The following COL25A1 variants were observed in gnomAD, a reference collection of about 807,000 sequenced individuals.
COL25A1 encodes collagen alpha-1(XXV) chain.
A neutral mutation model predicts 128.4 loss-of-function variants in COL25A1; 103 were observed. The observed-to-expected ratio is 0.80, with a 90% CI of 0.68 to 0.94. The LOEUF is 0.94. Among genes scored for constraint, COL25A1 ranks in the 40% least tolerant of loss-of-function variants. The pLI is 0.00. For missense variants in COL25A1, 745 were observed against 840.0 expected, an observed-to-expected ratio of 0.89 and a Z score of 1.40; for synonymous variants, 279 against 277.2, an observed-to-expected ratio of 1.01 and a Z score of -0.06.
intron 8 of COL25A1, among the ~76,000 whole-genome samples, chr4:108,973,521 A>G (rs1393184457): frequency 1.3e-5 from 2 of 152,236 alleles, no homozygotes; most frequent in Non-Finnish European, 1.5e-5. Flanking sequence ...AACTAAGCAC[A>G]GTGAATTTTA....
At chr4:109,213,296 G>C (rs1018724767) in intron 3 of COL25A1, among the ~76,000 whole-genome samples, 4 of 152,104 alleles carry the variant, frequency 2.6e-5, no homozygotes, top group African/African-American at 9.7e-5. Flanking sequence ...ACAGACAGCT[G>C]CAAAGTATGC....
At chr4:109,000,364 T>C (rs936580325) in intron 6 of COL25A1, among the ~76,000 whole-genome samples, 3 of 152,168 alleles carry the variant, frequency 2.0e-5, no homozygotes, top group Non-Finnish European at 4.4e-5. Flanking sequence ...TTGCCAAAGA[T>C]AGATAGTTTG....
chr4:108,895,330 C>T (rs1417063657), intron 16 of COL25A1, among the ~76,000 whole-genome samples: 2 of 152,178 alleles, frequency 1.3e-5, no homozygotes, highest in South Asian at 2.1e-4. Context: ...ATAAATAAAT[C>T]TTCATCACTC....
At chr4:108,970,141 A>T (rs2125983994) in intron 8 of COL25A1, among the ~76,000 whole-genome samples, 1 of 152,250 alleles carries the variant, frequency 6.6e-6, no homozygotes, top group Admixed American at 6.5e-5. Flanking sequence ...ATGTCAGGTG[A>T]TCTGCCTACC....
At chr4:109,075,666 C>T (rs1244554999) in intron 3 of COL25A1, among the ~76,000 whole-genome samples, 1 of 152,010 alleles carries the variant, frequency 6.6e-6, no homozygotes, top group Non-Finnish European at 1.5e-5. Flanking sequence ...AAAAAGTTAA[C>T]ACAATATGTA....
chr4:108,973,607 T>A (rs1752129540), intron 8 of COL25A1, among the ~76,000 whole-genome samples: 1 of 152,222 alleles, frequency 6.6e-6, no homozygotes, highest in Non-Finnish European at 1.5e-5. Context: ...AATTACTCTA[T>A]TCAACCAAAT....
intron 30 of COL25A1, 117 bp from the exon 31 acceptor site, chr4:108,841,838 T>C (rs1734497063): frequency 5.9e-6 from 5 of 844,518 alleles, no homozygotes; most frequent in South Asian, 3.1e-5. Flanking sequence ...GTTTGAGCTA[T>C]AGGTAGAGGC....
intron 32 of COL25A1, among the ~76,000 whole-genome samples, chr4:108,828,956 A>G (rs78446406): frequency 0.021 from 3,174 of 152,344 alleles, 47 homozygotes; most frequent in Non-Finnish European, 0.034. Context: ...AGTGGAACTA[A>G]TTAACACTGT....
intron 8 of COL25A1, among the ~76,000 whole-genome samples, chr4:108,946,903 A>T (rs1748824768): frequency 1.3e-5 from 2 of 152,138 alleles, no homozygotes; most frequent in African/African-American, 4.8e-5. Context: ...CAATTGTTTC[A>T]ATTGTTATTA....
At chr4:109,108,258 C>A (rs1007343736) in intron 3 of COL25A1, among the ~76,000 whole-genome samples, 3 of 152,130 alleles carry the variant, frequency 2.0e-5, no homozygotes, top group Admixed American at 2.0e-4. Flanking sequence ...TCAATTCCCA[C>A]CTATGAGTGA....
At chr4:108,922,996 A>T (rs550025677) in intron 11 of COL25A1, among the ~76,000 whole-genome samples, 51 of 152,294 alleles carry the variant, frequency 3.3e-4, no homozygotes, top group African/African-American at 1.2e-3. Context: ...AGAATAAAAT[A>T]TAGGACACTT....
Position 108,873,522 on chromosome 4 carries a change from C to CTAGTAGTAGTAG in COL25A1, c.1021-4384_1021-4373dup, listed in dbSNP as rs58240378. On this transcript the variant is annotated intron_variant, in intron 19 of 37. Coordinates refer to ENST00000399132, the MANE Select transcript of COL25A1 (RefSeq NM_198721.4). ...TTACAGGCTTACAAATGTTAGCTGT[C>CTAGTAGTAGTAG]TAGTAGTAGTAGTAGTAGTAGTAGT... Among the ~76,000 whole-genome samples, 562 of 147,248 alleles carry CTAGTAGTAGTAG rather than the reference C, an allele frequency of 3.8e-3. 3 individuals are homozygous for CTAGTAGTAGTAG. The highest frequency in any genetic ancestry group is 0.011 in the Middle Eastern group (3 of 282).
intron 10 of COL25A1, among the ~76,000 whole-genome samples, chr4:108,938,211 C>T (rs11937243): frequency 0.082 from 12,538 of 152,034 alleles, 1,028 homozygotes; most frequent in African/African-American, 0.21. Context: ...GGATTAATGA[C>T]GGCTGAAGTA....
intron 35 of COL25A1, among the ~76,000 whole-genome samples, 154 bp from the exon 36 acceptor site, chr4:108,819,483 G>A (rs773637035): frequency 1.3e-5 from 2 of 152,202 alleles, no homozygotes; most frequent in East Asian, 1.9e-4. Context: ...GTAAAATGGA[G>A]GGAGACATAT....
At chr4:109,293,401 G>A (rs563018373) in intron 3 of COL25A1, among the ~76,000 whole-genome samples, 6 of 151,820 alleles carry the variant, frequency 4.0e-5, no homozygotes, top group Non-Finnish European at 7.4e-5. Flanking sequence ...TGGTAAACAA[G>A]GGAAAAAATA....
intron 3 of COL25A1, among the ~76,000 whole-genome samples, chr4:109,246,293 T>C (rs1269467744): frequency 6.6e-6 from 1 of 152,140 alleles, no homozygotes; most frequent in African/African-American, 2.4e-5. Context: ...ATGACAAATC[T>C]ATACAGTAAG....
chr4:109,276,278 G>C lies in COL25A1; in HGVS notation c.367+24305C>G, dbSNP rs1292047904. On this transcript the variant is annotated intron_variant, in intron 3 of 37. Transcript: ENST00000399132. The stretch of plus-strand genomic sequence containing the variant: ...CTACAAAAAATTAGCCGGGCATGGT[G>C]ATGGGTGCCTGTAATCCCAGCTACT... Among the ~76,000 whole-genome samples, 6 of 152,090 alleles carry C rather than the reference G, an allele frequency of 3.9e-5. No homozygotes were observed. The East Asian group carries it at 1.2e-3, about 30-fold the overall frequency.
chr4:109,058,077 G>A (rs534698824), intron 3 of COL25A1, among the ~76,000 whole-genome samples: 1 of 152,250 alleles, frequency 6.6e-6, no homozygotes, highest in East Asian at 1.9e-4. Flanking sequence ...TTAATATCTA[G>A]ATAATAAATA....
intron 3 of COL25A1, among the ~76,000 whole-genome samples, chr4:109,241,497 G>A (rs1278978064): frequency 6.6e-6 from 1 of 151,766 alleles, no homozygotes; most frequent in African/African-American, 2.4e-5. Context: ...TATACACCAG[G>A]GAGGGTGGTC....
Sources: gnomAD v4.1 joint callset for allele counts (sites outside exome capture counted in the v4.1 genomes callset) on GRCh38, gnomAD v4.1.1 for gene constraint, MANE v1.5 for transcripts, NCBI Gene and HGNC (gene_info 2026-07-23, HGNC 2026-07-21) for gene names.